The following ASIC2 variants were observed in gnomAD, a reference collection of about 807,000 sequenced individuals.
The protein encoded by ASIC2 is acid-sensing ion channel 2.
ASIC2 carries 25 observed loss-of-function variants against 57.3 expected under a neutral mutation model. That is an observed-to-expected ratio of 0.44 (90% CI 0.32 to 0.61). The LOEUF is 0.61. Among genes scored for constraint, ASIC2 ranks in the 20% least tolerant of loss-of-function variants. ASIC2 has a pLI of 0.06. For missense variants in ASIC2, 641 were observed against 738.1 expected (o/e 0.87, Z 1.52); for synonymous variants, 319 against 307.5 (o/e 1.04, Z -0.39).
chr17:33,105,932 G>T (rs909681761), intron 2 of ASIC2, among the ~76,000 whole-genome samples: 1 of 152,184 alleles, frequency 6.6e-6, no homozygotes, highest in Admixed American at 6.5e-5. Context: ...AGTATCTGGT[G>T]GAAGAAATTT....
rs376835120 is a variant in ASIC2 at position 33,538,353 on chromosome 17, G to A, written c.556-426286C>T. Among the ~76,000 whole-genome samples, 20 of 152,224 alleles carry A rather than the reference G, an allele frequency of 1.3e-4. No homozygotes were observed. The South Asian group carries it at 3.9e-3, about 30-fold the overall frequency. On this transcript the variant is annotated intron_variant, in intron 1 of 9. Transcript: ENST00000359872. ...GGTATCAAAGGCTCCATACAGACAC[G>A]GCCAGTGGGAGGACCTTGGGACAGT...
chr17:33,465,727 C>G (rs1480002019), intron 1 of ASIC2, among the ~76,000 whole-genome samples: 1 of 152,174 alleles, frequency 6.6e-6, no homozygotes, highest in African/African-American at 2.4e-5. Context: ...AGGTCTGCCC[C>G]TTTTCCTTGA....
At chr17:33,093,888 G>T (rs1322074525) in intron 2 of ASIC2, among the ~76,000 whole-genome samples, 1 of 152,222 alleles carries the variant, frequency 6.6e-6, no homozygotes, top group East Asian at 1.9e-4. Context: ...TAGCTAGGGG[G>T]AGTTTTCAGA....
intron 1 of ASIC2, among the ~76,000 whole-genome samples, chr17:33,877,630 C>T (rs979585542): frequency 6.6e-6 from 1 of 152,180 alleles, no homozygotes; most frequent in Non-Finnish European, 1.5e-5. Flanking sequence ...CTGGGTGGAG[C>T]CCACTGCAGC....
At chr17:33,770,888 G>A (rs1266938632) in intron 1 of ASIC2, among the ~76,000 whole-genome samples, 1 of 152,072 alleles carries the variant, frequency 6.6e-6, no homozygotes, top group Non-Finnish European at 1.5e-5. Context: ...CACCTGGCTG[G>A]CTGGAATAGC....
At position 33,155,528 on chromosome 17, in the gene ASIC2, C is replaced by CTT. The variant is rs796954505; in HGVS notation, c.709-43463_709-43462dup. Among the ~76,000 whole-genome samples the CTT allele has an allele frequency of 7.8e-3, 1,107 of 142,092 alleles. 10 individuals are homozygous for CTT. Among genetic ancestry groups the CTT allele is most frequent in the South Asian group, 0.027 (120 of 4,392 alleles). 93.2% of individuals were successfully genotyped at this position (142,092 alleles called of 152,430 possible). On this transcript the variant is annotated intron_variant, in intron 1 of 9. Coordinates refer to ENST00000225823, the MANE Select transcript of ASIC2 (RefSeq NM_183377.2). ...GCCATTTCTGCCTCCACAAGCCTTA[C>CTT]TTTTTTTTTTTCTTTTTTCTCTTCT...
chr17:33,866,649 G>T (rs936419448), intron 1 of ASIC2, among the ~76,000 whole-genome samples: 31 of 151,986 alleles, frequency 2.0e-4, no homozygotes, highest in Non-Finnish European at 1.3e-4. Context: ...CATCTTTCTG[G>T]TTGCTGCCTT....
At chr17:33,818,981 G>A (rs1456502649) in intron 1 of ASIC2, among the ~76,000 whole-genome samples, 1 of 152,204 alleles carries the variant, frequency 6.6e-6, no homozygotes, top group African/African-American at 2.4e-5. Context: ...GGGTCTACTG[G>A]GCTAAGCTTA....
chr17:33,255,101 A>T (rs1597652969), intron 1 of ASIC2, among the ~76,000 whole-genome samples: 1 of 132,206 alleles, frequency 7.6e-6, no homozygotes, highest in East Asian at 2.4e-4. Context: ...GTGCAGTGGC[A>T]CGATCTCGGC....
chr17:34,107,554 C>T (rs1324615822), intron 1 of ASIC2, among the ~76,000 whole-genome samples: 1 of 152,036 alleles, frequency 6.6e-6, no homozygotes, highest in Non-Finnish European at 1.5e-5. Flanking sequence ...TTGTTCAGTT[C>T]TACAGTATCT....
intron 1 of ASIC2, among the ~76,000 whole-genome samples, chr17:33,969,909 C>G (rs905980002): frequency 1.3e-5 from 2 of 152,130 alleles, no homozygotes; most frequent in African/African-American, 4.8e-5. Flanking sequence ...ATGTAACTTT[C>G]CACTCTGGGC....
intron 1 of ASIC2, among the ~76,000 whole-genome samples, chr17:34,058,616 C>T (rs975407980): frequency 1.3e-5 from 2 of 152,218 alleles, no homozygotes; most frequent in Non-Finnish European, 2.9e-5. Context: ...TCTTCTTTCT[C>T]CTCCTAGATC....
chr17:33,095,055 T>C (rs2092172761), intron 2 of ASIC2, among the ~76,000 whole-genome samples: 1 of 152,240 alleles, frequency 6.6e-6, no homozygotes, highest in Admixed American at 6.5e-5. Context: ...TTGTTCTTCA[T>C]AGAGCTGTTG....
At chr17:33,154,612 T>C (rs1408240820) in intron 1 of ASIC2, among the ~76,000 whole-genome samples, 1 of 152,122 alleles carries the variant, frequency 6.6e-6, no homozygotes, top group Non-Finnish European at 1.5e-5. Flanking sequence ...GCCTACTGAG[T>C]CCAATGCCTG....
At chr17:34,083,725 A>G (rs920670363) in intron 1 of ASIC2, among the ~76,000 whole-genome samples, 101 of 152,182 alleles carry the variant, frequency 6.6e-4, no homozygotes, top group African/African-American at 2.4e-3. Flanking sequence ...TAACTGGTGT[A>G]AGATGATATC....
At chr17:33,215,960 A>T (rs1353590860) in intron 1 of ASIC2, among the ~76,000 whole-genome samples, 2 of 152,138 alleles carry the variant, frequency 1.3e-5, no homozygotes, top group East Asian at 1.9e-4. Flanking sequence ...CGGCCTCCCA[A>T]AGTGCTGGGA....
intron 1 of ASIC2, among the ~76,000 whole-genome samples, chr17:34,060,846 A>T (rs200851447): frequency 1.3e-5 from 2 of 152,120 alleles, no homozygotes; most frequent in East Asian, 3.8e-4. Context: ...AAATTCTGGG[A>T]TTATGTTAAA....
chr17:33,647,444 C>A (rs1906778346), intron 1 of ASIC2, among the ~76,000 whole-genome samples: 1 of 152,142 alleles, frequency 6.6e-6, no homozygotes, highest in African/African-American at 2.4e-5. Context: ...CACCACACCC[C>A]AAGACGCAGG....
At chr17:33,091,964 G>A (rs1465121155) in intron 2 of ASIC2, among the ~76,000 whole-genome samples, 1 of 152,194 alleles carries the variant, frequency 6.6e-6, no homozygotes, top group Non-Finnish European at 1.5e-5. Flanking sequence ...ATAGCCCCAT[G>A]TGGCTAGTGG....
Sources: allele counts gnomAD v4.1 joint callset (sites outside exome capture counted in the v4.1 genomes callset), GRCh38; gene constraint gnomAD v4.1.1; transcripts MANE v1.5; gene names NCBI Gene and HGNC (gene_info 2026-07-23, HGNC 2026-07-21).